PCDHA2: variants seen among roughly 807,000 people sequenced by gnomAD.
The protein encoded by PCDHA2 is protocadherin alpha-2.
Under a neutral mutation model 66.0 loss-of-function variants are expected in PCDHA2, and 58 were observed. The observed-to-expected ratio is 0.88, with a 90% CI of 0.71 to 1.09. The LOEUF is 1.09. Among genes scored for constraint, PCDHA2 ranks in the 50% least tolerant of loss-of-function variants. The pLI, the probability that PCDHA2 is intolerant of heterozygous loss-of-function variation, is 0.00. For synonymous variants in PCDHA2, 634 were observed against 554.0 expected, an observed-to-expected ratio of 1.14 and a Z score of -2.03; for missense variants, 1,267 against 1,242.3, an observed-to-expected ratio of 1.02 and a Z score of -0.30.
chr5:140,823,731 C>A, intron 1 of PCDHA2: 1 of 1,613,874 alleles, frequency 6.2e-7, no homozygotes, highest in Non-Finnish European at 8.5e-7. Context: ...TGGTGAAGGA[C>A]CATGGAGAGC....
At chr5:140,999,666 G>A (rs185222092) in intron 3 of PCDHA2, among the ~76,000 whole-genome samples, 194 of 152,216 alleles carry the variant, frequency 1.3e-3, no homozygotes, top group African/African-American at 4.4e-3. Flanking sequence ...GCTGGGTTGC[G>A]GGGGGCTCAC....
At position 140,882,742 on chromosome 5, in the gene PCDHA2, C is replaced by G. The variant is rs372229324; in HGVS notation, c.2388+85390C>G. Reference sequence around the variant, plus strand: ...CTCGATTTCCACTAGATGGCGCATCCGATGCAGATATTGGAGTAAACTCGG... The same window carrying G: ...CTCGATTTCCACTAGATGGCGCATCGGATGCAGATATTGGAGTAAACTCGG... On this transcript the variant is annotated intron_variant, in intron 1 of 3. Coordinates refer to ENST00000526136, the MANE Select transcript of PCDHA2 (RefSeq NM_018905.3). 126 of 1,614,092 alleles carry G rather than the reference C, an allele frequency of 7.8e-5. 1 individual carries two copies. The Middle Eastern group carries it at 1.6e-3, about 21-fold the overall frequency.
intron 1 of PCDHA2, among the ~76,000 whole-genome samples, chr5:140,887,318 G>A (rs1485206878): frequency 6.6e-6 from 1 of 152,010 alleles, no homozygotes; most frequent in Non-Finnish European, 1.5e-5. Context: ...GGATAGTCTC[G>A]AACTCCTGAC....
chr5:140,831,986 C>G (rs915163215), intron 1 of PCDHA2, among the ~76,000 whole-genome samples: 1 of 152,134 alleles, frequency 6.6e-6, no homozygotes, highest in African/African-American at 2.4e-5. Flanking sequence ...ACTCTCATTA[C>G]GGATTCCATA....
chr5:140,829,603 G>T lies in PCDHA2; in HGVS notation c.2388+32251G>T, dbSNP rs2150171045. On this transcript the variant is annotated intron_variant, in intron 1 of 3. Transcript: ENST00000526136. ...AGCGGCGGGTGGGCGAGCGCGCGTT[G>T]TCGAGCTACATTTCGGTGCACGCGG... The T allele has an allele frequency of 1.9e-6, 3 of 1,612,072 alleles. No individual in the cohort carries two copies. In the South Asian group the frequency reaches 3.3e-5, roughly 18 times the overall value.
rs200912451 is a variant in PCDHA2 at position 140,850,965 on chromosome 5, G to A, written c.2388+53613G>A. The A allele has an allele frequency of 1.1e-4, 159 of 1,464,076 alleles. 6 individuals are homozygous for A. The highest frequency in any genetic ancestry group is 1.3e-4 in the Non-Finnish European group (139 of 1,096,434). 90.7% of individuals were successfully genotyped at this position (1,464,076 alleles called of 1,614,324 possible). On this transcript the variant is annotated intron_variant, in intron 1 of 3. Transcript: ENST00000526136. The stretch of plus-strand genomic sequence containing the variant: ...ATATTATCGATTACTCCCAGGGGCC[G>A]TTCAAATAGTTTTATTCATTTTTCT...
rs11167600 is a variant in PCDHA2 at position 140,795,280 on chromosome 5, G to C, written c.316G>C (p.Val106Leu). The C allele has an allele frequency of 0.54, 870,619 of 1,614,054 alleles. 236,826 individuals carry two copies. Among genetic ancestry groups the C allele is most frequent in the African/African-American group, 0.72 (54,151 of 75,018 alleles). Residue 106 changes from valine (V) to leucine (L), a missense_variant, in exon 1 of 4, where the codon GTG becomes CTG. By Grantham distance (32) the Val-to-Leu change is conservative. Coordinates refer to ENST00000526136, the MANE Select transcript of PCDHA2 (RefSeq NM_018905.3). ...GCGGAGCGCGGAATGTAGCATCCAC[G>C]TGGAGGTGATCGTGGACAGGCCGCT... is the stretch of plus-strand genomic sequence containing the variant. ...CGRSAECSIH[V>L]EVIVDRPLQV...
At chr5:140,930,184 G>A (rs2153603505) in intron 1 of PCDHA2, 1 of 152,258 alleles carries the variant, frequency 6.6e-6, no homozygotes, top group South Asian at 2.1e-4. Context: ...GGAAAGATGA[G>A]TAATTTTTAT....
At position 140,795,817 on chromosome 5, in the gene PCDHA2, G is replaced by GTGTC. The variant is rs782580934; in HGVS notation, c.854_857dup (p.Ser287ValfsTer7). 6.8e-6 allele frequency: 11 copies of GTGTC among 1,613,726 alleles called. No homozygotes were observed. The highest frequency in any genetic ancestry group is 9.3e-6 in the Non-Finnish European group (11 of 1,179,820). On this transcript the variant is annotated frameshift_variant, in exon 1 of 4. Transcript: ENST00000526136. LOFTEE classifies it high-confidence loss of function. ...GATTGTGTATTCACTCGGTAGTGAT[G>GTGTC]TGTCCTCCACTATACAGACTAAGTT...
chr5:140,823,817 C>T, intron 1 of PCDHA2: 1 of 1,613,782 alleles, frequency 6.2e-7, no homozygotes, highest in Non-Finnish European at 8.5e-7. Context: ...TCATCGCGGG[C>T]GTCGGCGGGC....
intron 1 of PCDHA2, among the ~76,000 whole-genome samples, chr5:140,838,676 C>T (rs1236293841): frequency 6.6e-6 from 1 of 152,090 alleles, no homozygotes; most frequent in East Asian, 1.9e-4. Flanking sequence ...TGGCACACAC[C>T]TTTAACCCCA....
At chr5:140,922,735 G>A (rs1370700616) in intron 1 of PCDHA2, among the ~76,000 whole-genome samples, 2 of 152,078 alleles carry the variant, frequency 1.3e-5, no homozygotes, top group Admixed American at 1.3e-4. Flanking sequence ...ACAAGGTTGA[G>A]AAAAATAAAT....
intron 1 of PCDHA2, chr5:140,875,321 TC>T: frequency 1.4e-6 from 2 of 1,427,980 alleles, no homozygotes; most frequent in Non-Finnish European, 1.8e-6. Context: ...TTCCAATCAT[TC>T]ACGGAATAGG....
At chr5:140,805,068 C>A in intron 1 of PCDHA2, 1 of 1,593,038 alleles carries the variant, frequency 6.3e-7, no homozygotes. Flanking sequence ...AGATATGGAA[C>A]TTCAATCTTC....
chr5:140,985,499 C>G (rs1307302690), intron 3 of PCDHA2, among the ~76,000 whole-genome samples: 1 of 152,170 alleles, frequency 6.6e-6, no homozygotes, highest in African/African-American at 2.4e-5. Flanking sequence ...TAGAGCCTGC[C>G]TTTCATTGAT....
intron 1 of PCDHA2, among the ~76,000 whole-genome samples, chr5:140,840,275 G>C (rs1776636892): frequency 6.6e-6 from 1 of 151,944 alleles, no homozygotes; most frequent in Non-Finnish European, 1.5e-5. Flanking sequence ...AATGATTTGG[G>C]TTTTGGGTGA....
intron 1 of PCDHA2, chr5:140,857,350 G>C: frequency 6.3e-7 from 1 of 1,598,502 alleles, no homozygotes; most frequent in Non-Finnish European, 8.6e-7. Context: ...CGCCTCCGCT[G>C]TGGGCCACGG....
chr5:140,822,720 T>G (rs1554128830), intron 1 of PCDHA2: 1 of 1,611,974 alleles, frequency 6.2e-7, no homozygotes, highest in African/African-American at 1.3e-5. Context: ...ATAACTCATA[T>G]GAAATTAATA....
At chr5:140,803,711 T>C in intron 1 of PCDHA2, 1 of 1,510,938 alleles carries the variant, frequency 6.6e-7, no homozygotes, top group African/African-American at 1.4e-5. Flanking sequence ...ATTAGACTTT[T>C]CCAGTTTTGT....
Sources: gnomAD v4.1 joint callset for allele counts (sites outside exome capture counted in the v4.1 genomes callset) on GRCh38, gnomAD v4.1.1 for gene constraint, MANE v1.5 for transcripts, NCBI Gene and HGNC (gene_info 2026-07-23, HGNC 2026-07-21) for gene names.